Variants in ERCC1 observed in about 807,000 individuals in gnomAD.
ERCC1 encodes the protein DNA excision repair protein ERCC-1.
A neutral mutation model predicts 37.6 loss-of-function variants in ERCC1; 36 were observed. The ratio of observed to expected loss-of-function variants is 0.96; its 90% CI spans 0.73 to 1.26. ERCC1 has a LOEUF of 1.26. Ranked by LOEUF, ERCC1 falls within the 50% of genes most tolerant of loss-of-function variation. The pLI is 0.00. For missense variants in ERCC1, 349 were observed against 376.5 expected (o/e 0.93, Z 0.60); for synonymous variants, 156 against 162.1 (o/e 0.96, Z 0.28).
In ERCC1 at chr19:45,419,338, A is replaced by C. The variant is rs1309631675; in HGVS notation, c.426-141T>G. 3 of 685,420 alleles carry C rather than the reference A, an allele frequency of 4.4e-6. No homozygotes were observed. The African/African-American group carries it at 5.3e-5, about 12-fold the overall frequency. The allele number at this position is 685,420 out of a possible 1,614,324, so 42.5% of individuals were successfully genotyped here. ...TCCTGAGGCCCACAGAGGGTAAGTCACTTGCCCCAGGTCACTCTTCCAAGA... is the reference window on the plus strand; with the variant it reads ...TCCTGAGGCCCACAGAGGGTAAGTCCCTTGCCCCAGGTCACTCTTCCAAGA... On this transcript the variant is annotated intron_variant, in intron 4 of 9. Coordinates refer to ENST00000300853, the MANE Select transcript of ERCC1 (RefSeq NM_001983.4).
At chr19:45,419,660 G>A (rs972907899) in intron 4 of ERCC1, among the ~76,000 whole-genome samples, 1 of 152,150 alleles carries the variant, frequency 6.6e-6, no homozygotes, top group Non-Finnish European at 1.5e-5. Context: ...GGGAGCACAG[G>A]AACTCAGAGG....
rs752343491 is a variant in ERCC1 at position 45,413,680 on chromosome 19, C to T, written c.840G>A (p.Gln280=). 6.2e-7 allele frequency: 1 copy of T among 1,614,202 alleles called. No individual in the cohort carries two copies. The highest frequency in any genetic ancestry group is 1.1e-5 in the South Asian group (1 of 91,090). ...DLALCPGLGP[Q]KARRLFDVLH... is the part of the protein sequence containing the mutation. ...GGTTCTTTCCCAGAGCTCTTACTTT[C>T]TGAGGGCCCAGGCCTGGGCATAAGG... is the stretch of plus-strand genomic sequence containing the variant. The change falls in exon 9 of 10, where the codon CAG becomes CAA. Residue 280 remains glutamine, a synonymous_variant. Coordinates refer to ENST00000300853, the MANE Select transcript of ERCC1 (RefSeq NM_001983.4).
intron 7 of ERCC1, chr19:45,414,364 C>T: frequency 2.5e-6 from 1 of 401,080 alleles, no homozygotes; most frequent in Non-Finnish European, 4.7e-6. Context: ...GTAGTCCCAG[C>T]TACTCAGGAG....
At position 45,413,763 on chromosome 19, in the gene ERCC1, G is replaced by C; in HGVS notation, c.775-18C>G. On this transcript the variant is annotated intron_variant, in intron 8 of 9. Transcript: ENST00000300853. Reference sequence around the variant, plus strand: ...TCCAGAGACTGAAAGGTGAAAGCGAGGGGTCAGGGCAGTTGAGCACAAAAG... The same window carrying C: ...TCCAGAGACTGAAAGGTGAAAGCGACGGGTCAGGGCAGTTGAGCACAAAAG... 1 of 1,612,484 alleles carries C rather than the reference G, an allele frequency of 6.2e-7. No homozygotes were observed. Among genetic ancestry groups the C allele is most frequent in the South Asian group, 1.1e-5 (1 of 91,020 alleles).
intron 1 of ERCC1, among the ~76,000 whole-genome samples, chr19:45,443,892 C>T (rs1728340423): frequency 6.6e-6 from 1 of 151,992 alleles, no homozygotes; most frequent in South Asian, 2.1e-4. Flanking sequence ...CTCTACACCC[C>T]GTACCCCGTC....
chr19:45,437,580 T>C (rs917585203), intron 1 of ERCC1, among the ~76,000 whole-genome samples: 2 of 152,170 alleles, frequency 1.3e-5, no homozygotes, highest in Non-Finnish European at 2.9e-5. Context: ...AGGACATTAT[T>C]CTAAGTGAAA....
intron 1 of ERCC1, among the ~76,000 whole-genome samples, chr19:45,443,022 G>A (rs1171357550): frequency 6.6e-6 from 1 of 152,146 alleles, no homozygotes; most frequent in Admixed American, 6.6e-5. Flanking sequence ...CCCGCGGGGG[G>A]GATGAAGATA....
At chr19:45,422,669 A>G (rs1974509539) in intron 2 of ERCC1, among the ~76,000 whole-genome samples, 1 of 152,118 alleles carries the variant, frequency 6.6e-6, no homozygotes, top group East Asian at 1.9e-4. Flanking sequence ...AGGCAGGAGA[A>G]TCGCTTGAAC....
At chr19:45,415,728 C>G in intron 6 of ERCC1, 1 of 455,544 alleles carries the variant, frequency 2.2e-6, no homozygotes, top group South Asian at 1.5e-5. Flanking sequence ...GTAACCACTG[C>G]TGGGCGCATC....
Position 45,420,593 on chromosome 19 carries a change from G to C in ERCC1, c.322-166C>G, listed in dbSNP as rs572201072. Reference sequence around the variant, plus strand: ...TCCTCCCTCCTCCCACCTGTGGCAGGGTCTTTTCCAGCTTCTCTCTCCTCC... The same window carrying C: ...TCCTCCCTCCTCCCACCTGTGGCAGCGTCTTTTCCAGCTTCTCTCTCCTCC... On this transcript the variant is annotated intron_variant, in intron 3 of 9. Coordinates refer to ENST00000300853, the MANE Select transcript of ERCC1 (RefSeq NM_001983.4). This position sits in a 1 kb window ranked among gnomAD's most constrained non-coding sequence, Gnocchi z 4.8. Among the ~76,000 whole-genome samples, 4 of 151,886 alleles carry C rather than the reference G, an allele frequency of 2.6e-5. No homozygotes were observed. The highest frequency in any genetic ancestry group is 5.9e-5 in the Non-Finnish European group (4 of 67,934).
intron 1 of ERCC1, among the ~76,000 whole-genome samples, chr19:45,451,263 T>TC (rs529496662): frequency 1.9e-3 from 286 of 151,788 alleles, no homozygotes; most frequent in African/African-American, 6.2e-3. Flanking sequence ...CTGTCTCATA[T>TC]CCCCCCCAAA....
chr19:45,422,027 C>A (rs917399120), intron 2 of ERCC1, among the ~76,000 whole-genome samples: 2 of 152,096 alleles, frequency 1.3e-5, no homozygotes, highest in Admixed American at 1.3e-4. Flanking sequence ...ACTTCTCCCC[C>A]ACTCCTCAGC....
chr19:45,408,710 TCCA>T lies in ERCC1; in HGVS notation c.*962_*964del, dbSNP rs1973499598. On this transcript the variant is annotated 3_prime_UTR_variant, in exon 10 of 10. Coordinates refer to ENST00000300853, the MANE Select transcript of ERCC1 (RefSeq NM_001983.4). ...GGAGCCTCTGGGAGTGCTGTTCCCG[TCCA>T]CCACCAAGAAGAGGAAGAAGCCCAA... The T allele has an allele frequency of 6.2e-7, 1 of 1,612,124 alleles. No homozygotes were observed. The highest frequency in any genetic ancestry group is 8.5e-7 in the Non-Finnish European group (1 of 1,179,524).
Position 45,407,579 on chromosome 19 carries a change from G to A in ERCC1, c.*2096C>T. 1 of 303,122 alleles carries A rather than the reference G, an allele frequency of 3.3e-6. No individual in the cohort carries two copies. The highest frequency in any genetic ancestry group is 6.1e-6 in the Non-Finnish European group (1 of 165,116). The allele number at this position is 303,122 out of a possible 1,614,324, so 18.8% of individuals were successfully genotyped here. A position where few individuals can be genotyped will look rare whatever the true frequency, so the allele number is the denominator to read the frequency against. On this transcript the variant is annotated 3_prime_UTR_variant, in exon 10 of 10. Transcript: ENST00000300853. ...ATGTTATATTTAAGTAATGGGGGCT[G>A]CATTCTTAGGACATTTGGACATTCT...
At position 45,409,877 on chromosome 19, in the gene ERCC1, G is replaced by GTTATTA. The variant is rs1243917856; in HGVS notation, c.844-158_844-153dup. 95 of 256,480 alleles carry GTTATTA rather than the reference G, an allele frequency of 3.7e-4. 1 individual carries two copies. Among genetic ancestry groups the GTTATTA allele is most frequent in the Middle Eastern group, 1.3e-3 (1 of 790 alleles). 15.9% of individuals were successfully genotyped at this position (256,480 alleles called of 1,614,324 possible). ...AACAATCCAGTTACAATCTTTTTAAGTTATTATTATTATTATTATTTTTTT... is the reference window on the plus strand; with the variant it reads ...AACAATCCAGTTACAATCTTTTTAAGTTATTATTATTATTATTATTATTATTTTTTT... On this transcript the variant is annotated intron_variant, in intron 9 of 9. Coordinates refer to ENST00000300853, the MANE Select transcript of ERCC1 (RefSeq NM_001983.4).
chr19:45,427,339 G>A (rs1351084517), upstream of ERCC1, among the ~76,000 whole-genome samples: 1 of 152,204 alleles, frequency 6.6e-6, no homozygotes, highest in Non-Finnish European at 1.5e-5. Flanking sequence ...GCCGGGCACA[G>A]TGGCTCACGC....
At position 45,434,155 on chromosome 19, in the gene ERCC1, CAA is replaced by C. The variant is rs138387403; in HGVS notation, c.-7-10776_-7-10775del. 2.4e-3 allele frequency among the ~76,000 whole-genome samples: 231 copies of C among 97,462 alleles called. 1 individual carries two copies. Among genetic ancestry groups the C allele is most frequent in the South Asian group, 0.016 (55 of 3,498 alleles). 63.9% of individuals were successfully genotyped at this position (97,462 alleles called of 152,430 possible). A position where few individuals can be genotyped will look rare whatever the true frequency, so the allele number is the denominator to read the frequency against. The stretch of plus-strand genomic sequence containing the variant: ...AGAATGTCTCACACACACACACACA[CAA>C]AAAAAAAAAAAAAAAAAAAGAGGAA... On this transcript the variant is annotated intron_variant, in intron 1 of 8. Transcript: ENST00000423698.
At chr19:45,412,071 T>C (rs1973775697) in intron 9 of ERCC1, among the ~76,000 whole-genome samples, 1 of 151,448 alleles carries the variant, frequency 6.6e-6, no homozygotes, top group African/African-American at 2.4e-5. Context: ...ATGTTAGCCA[T>C]GATGGTCTCA....
upstream of ERCC1, chr19:45,423,974 A>G: frequency 2.8e-6 from 3 of 1,067,120 alleles, no homozygotes; most frequent in Non-Finnish European, 3.4e-6. Context: ...CGATCTCTGT[A>G]CAACTCTCTA....
Sources: allele counts gnomAD v4.1 joint callset (sites outside exome capture counted in the v4.1 genomes callset), GRCh38; gene constraint gnomAD v4.1.1; non-coding constraint Gnocchi (gnomAD v3.1); transcripts MANE v1.5; gene names NCBI Gene and HGNC (gene_info 2026-07-23, HGNC 2026-07-21).